The following SSUH2 variants were observed in gnomAD, a reference collection of about 807,000 sequenced individuals.
SSUH2 encodes the protein protein SSUH2 homolog.
A neutral mutation model predicts 55.3 loss-of-function variants in SSUH2; 47 were observed. The observed-to-expected ratio is 0.85, with a 90% CI of 0.67 to 1.08. The LOEUF is 1.08. Ranked by LOEUF, SSUH2 falls within the 50% of genes least tolerant of loss-of-function variation. The pLI, the probability that SSUH2 is intolerant of heterozygous loss-of-function variation, is 0.00. For synonymous variants in SSUH2, 212 were observed against 191.5 expected (o/e 1.11, Z -0.89); for missense variants, 535 against 490.7 (o/e 1.09, Z -0.85).
intron 5 of SSUH2, among the ~76,000 whole-genome samples, chr3:8,667,634 C>T (rs1704107782): frequency 6.6e-6 from 1 of 152,154 alleles, no homozygotes; most frequent in South Asian, 2.1e-4. Context: ...CTCTTTTCTT[C>T]TTATGGAGGC....
At position 8,629,698 on chromosome 3, in the gene SSUH2, C is replaced by T. The variant is rs562702991; in HGVS notation, c.554G>A (p.Arg185Gln). The T allele has an allele frequency of 9.0e-5, 138 of 1,530,960 alleles. No homozygotes were observed. The highest frequency in any genetic ancestry group is 2.5e-4 in the South Asian group (22 of 86,318). 94.8% of individuals were successfully genotyped at this position (1,530,960 alleles called of 1,614,324 possible). A position where few individuals can be genotyped will look rare whatever the true frequency, so the allele number is the denominator to read the frequency against. ...KECHKCHGRG[R>Q]YKCSGCHGAG... ...CCCGTGGCAGCCGCTGCACTTGTAC[C>T]GCCCACGCCCATGGCATTTGTGGCA... The change falls in exon 7 of 12, where the codon CGG (arginine) becomes CAG (glutamine). Residue 185 changes from arginine (R) to glutamine (Q), a missense_variant. Physicochemically the swap from Arg to Gln is conservative, Grantham distance 43. Coordinates refer to ENST00000544814, the MANE Select transcript of SSUH2 (RefSeq NM_001256748.3).
chr3:8,645,755 G>A (rs1223622227), upstream of SSUH2, among the ~76,000 whole-genome samples: 1 of 152,184 alleles, frequency 6.6e-6, no homozygotes, highest in East Asian at 1.9e-4. Context: ...TTTTGTCAGT[G>A]TCCTAAATGT....
chr3:8,629,613 C>T, intron 7 of SSUH2, 51 bp downstream of exon 7: 1 of 679,372 alleles, frequency 1.5e-6, no homozygotes, highest in Non-Finnish European at 2.2e-6. Context: ...CCCCAGGATC[C>T]CCCGGCCACC....
At chr3:8,630,043 A>G (rs1054649190) in intron 6 of SSUH2, among the ~76,000 whole-genome samples, 6 of 152,206 alleles carry the variant, frequency 3.9e-5, no homozygotes, top group African/African-American at 1.4e-4. Flanking sequence ...GCATTTGCCC[A>G]TAAGGTAGCT....
rs538450571 is a variant in SSUH2, at chr3:8,630,881, T to TC, written c.448dup (p.Asp150GlyfsTer113). On this transcript the variant is annotated frameshift_variant, in exon 6 of 12. Coordinates refer to ENST00000544814, the MANE Select transcript of SSUH2 (RefSeq NM_001256748.3). LOFTEE classifies it high-confidence loss of function. ...CATCGGAGGACCTTGAACCTTGATG[T>TC]CCCAGAGCCTGGGGGAGGCGCCTCT... 2.9e-4 allele frequency: 432 copies of TC among 1,485,726 alleles called. 1 individual carries two copies. The African/African-American group carries it at 5.2e-3, about 18-fold the overall frequency. The allele number at this position is 1,485,726 out of a possible 1,614,324, so 92.0% of individuals were successfully genotyped here.
intron 5 of SSUH2, 113 bp downstream of exon 5, chr3:8,631,936 C>T: frequency 1.2e-6 from 1 of 823,298 alleles, no homozygotes; most frequent in Admixed American, 1.9e-5. Context: ...GCCAAGGCTC[C>T]AAGCAGAAGA....
Position 8,643,017 on chromosome 3 carries a change from A to T in SSUH2, c.28+1714T>A, listed in dbSNP as rs543881990. Among the ~76,000 whole-genome samples, 5 of 152,298 alleles carry T rather than the reference A, an allele frequency of 3.3e-5. No individual in the cohort carries two copies. In the South Asian group the frequency reaches 8.3e-4, roughly 25 times the overall value. On this transcript the variant is annotated intron_variant, in intron 1 of 11. Transcript: ENST00000544814. ...TCCTAGACTTGTAATGGGCCCAAAGACTTCACTTTTCTCTCACCTTGCTCA... is the reference window on the plus strand; with the variant it reads ...TCCTAGACTTGTAATGGGCCCAAAGTCTTCACTTTTCTCTCACCTTGCTCA...
rs759993191 is a variant in SSUH2 at position 8,634,638 on chromosome 3, G to T, written c.209+662C>A. 9.6e-6 allele frequency: 12 copies of T among 1,250,112 alleles called. No individual in the cohort carries two copies. The East Asian group carries it at 2.2e-4, about 23-fold the overall frequency. The allele number at this position is 1,250,112 out of a possible 1,614,324, so 77.4% of individuals were successfully genotyped here. A position where few individuals can be genotyped will look rare whatever the true frequency, so the allele number is the denominator to read the frequency against. The stretch of plus-strand genomic sequence containing the variant: ...AGAGATGACTCCCCGGAGGAAGCAG[G>T]GTTCTTCCTAAGCATGGAAAGTGGG... On this transcript the variant is annotated intron_variant, in intron 3 of 11. Coordinates refer to ENST00000544814, the MANE Select transcript of SSUH2 (RefSeq NM_001256748.3).
At chr3:8,645,392 C>T (rs1484472634), upstream of SSUH2, among the ~76,000 whole-genome samples, 1 of 152,200 alleles carries the variant, frequency 6.6e-6, no homozygotes, top group Non-Finnish European at 1.5e-5. Flanking sequence ...ACTACTGTCG[C>T]CACACCAGCC....
chr3:8,659,611 C>A, intron 6 of SSUH2: 1 of 331,034 alleles, frequency 3.0e-6, no homozygotes, highest in Non-Finnish European at 6.0e-6. Context: ...CTGCTGGAGG[C>A]CGGGGGCTGC....
At chr3:8,627,629 C>G (rs1697860391) in intron 8 of SSUH2, 69 bp downstream of exon 8, 2 of 1,357,000 alleles carry the variant, frequency 1.5e-6, no homozygotes, top group Non-Finnish European at 1.0e-6. Flanking sequence ...GTTTGCCTTC[C>G]AGATGGGCAG....
At chr3:8,652,269 C>A (rs1702499342) in intron 7 of SSUH2, among the ~76,000 whole-genome samples, 1 of 152,240 alleles carries the variant, frequency 6.6e-6, no homozygotes, top group Non-Finnish European at 1.5e-5. Flanking sequence ...GCACCTGTAC[C>A]ACAATCTCCC....
At chr3:8,677,663 C>T (rs146365786) in intron 2 of SSUH2, among the ~76,000 whole-genome samples, 10,477 of 150,954 alleles carry the variant, frequency 0.069, 744 homozygotes, top group Non-Finnish European at 0.1. Flanking sequence ...CGGTGGCCTA[C>T]GTCTCTAAAC....
rs115642230 is a variant in SSUH2 at position 8,678,977 on chromosome 3, G to A, written c.-901+728C>T. 7.8e-3 allele frequency among the ~76,000 whole-genome samples: 789 copies of A among 101,028 alleles called. 167 individuals carry two copies. Among genetic ancestry groups the A allele is most frequent in the African/African-American group, 0.024 (760 of 31,650 alleles). 66.3% of individuals were successfully genotyped at this position (101,028 alleles called of 152,430 possible). On this transcript the variant is annotated intron_variant, in intron 2 of 18. Coordinates refer to the SSUH2 transcript ENST00000317371. ...CTTGGGACGCCCATCGCAGGGCGGA[G>A]AGTCACCCCCCGCGAGGTGGGGACT...
chr3:8,659,798 A>G (rs1287149655), intron 6 of SSUH2: 1 of 456,360 alleles, frequency 2.2e-6, no homozygotes, highest in Non-Finnish European at 4.4e-6. Context: ...GATTCATCAG[A>G]TACCTGCAGT....
chr3:8,619,890 C>A lies in SSUH2; in HGVS notation c.1106G>T (p.Cys369Phe). 1 of 1,614,052 alleles carries A rather than the reference C, an allele frequency of 6.2e-7. No individual in the cohort carries two copies. Among genetic ancestry groups the A allele is most frequent in the East Asian group, 2.2e-5 (1 of 44,878 alleles). The change falls in exon 12 of 12, where the codon TGC (cysteine) becomes TTC (phenylalanine). Residue 369 changes from cysteine (C) to phenylalanine (F), a missense_variant. Cys to Phe is a radical substitution (Grantham distance 205). Transcript: ENST00000544814. ...VYAVDYPERY[C>F]CGCTIV The stretch of plus-strand genomic sequence containing the variant: ...ATGTCACACGATGGTACAGCCACAG[C>A]AATACCGCTCAGGATAGTCCACCGC...
At chr3:8,628,229 G>A (rs1123067) in intron 7 of SSUH2, among the ~76,000 whole-genome samples, 51,336 of 151,934 alleles carry the variant, frequency 0.34, 9,040 homozygotes, top group Middle Eastern at 0.49. Context: ...GGGACCCACA[G>A]GCAGTGCAGG....
At chr3:8,674,141 A>G (rs921094587) in intron 3 of SSUH2, among the ~76,000 whole-genome samples, 36 of 152,160 alleles carry the variant, frequency 2.4e-4, no homozygotes, top group Admixed American at 3.3e-4. Flanking sequence ...GCGCAAAGAG[A>G]ATGAACGTCA....
chr3:8,657,661 G>T (rs571099569), intron 7 of SSUH2, among the ~76,000 whole-genome samples: 2 of 152,306 alleles, frequency 1.3e-5, no homozygotes, highest in African/African-American at 4.8e-5. Context: ...AACAAAGGCT[G>T]ACTACCGAAA....
Sources: gnomAD v4.1 joint callset for allele counts (sites outside exome capture counted in the v4.1 genomes callset) on GRCh38, gnomAD v4.1.1 for gene constraint, MANE v1.5 for transcripts, NCBI Gene and HGNC (gene_info 2026-07-23, HGNC 2026-07-21) for gene names.